TMOD2: variants seen among roughly 807,000 people sequenced by gnomAD.
The protein encoded by TMOD2 is tropomodulin-2.
A neutral mutation model predicts 39.9 loss-of-function variants in TMOD2; 22 were observed. That is an observed-to-expected ratio of 0.55 (90% CI 0.39 to 0.79). The LOEUF (loss-of-function observed/expected upper bound fraction) is 0.79, where lower values mean the gene tolerates loss of function less well. Ranked by LOEUF, TMOD2 falls within the 30% of genes least tolerant of loss-of-function variation. The pLI, the probability that TMOD2 is intolerant of heterozygous loss-of-function variation, is 0.00. For synonymous variants in TMOD2, 123 were observed against 146.1 expected, an observed-to-expected ratio of 0.84 and a Z score of 1.14; for missense variants, 386 against 413.3, an observed-to-expected ratio of 0.93 and a Z score of 0.57.
At chr15:51,757,934 A>G (rs1049615130) in intron 1 of TMOD2, among the ~76,000 whole-genome samples, 1 of 152,170 alleles carries the variant, frequency 6.6e-6, no homozygotes, top group South Asian at 2.1e-4. Flanking sequence ...GTATAGTGGG[A>G]CATACCTGTA....
At chr15:51,752,411 G>A (rs1333827487) in intron 1 of TMOD2, 2 of 152,222 alleles carry the variant, frequency 1.3e-5, no homozygotes, top group African/African-American at 4.8e-5. Context: ...GTATTCAGAG[G>A]TAGGAAGGTG....
At chr15:51,756,275 C>T (rs867318950) in intron 1 of TMOD2, 4 of 152,306 alleles carry the variant, frequency 2.6e-5, no homozygotes, top group African/African-American at 9.6e-5. Flanking sequence ...AATGCTGACC[C>T]GCAGCTCTTA....
At chr15:51,789,246 A>T (rs1346304943) in intron 7 of TMOD2, among the ~76,000 whole-genome samples, 1 of 152,212 alleles carries the variant, frequency 6.6e-6, no homozygotes, top group African/African-American at 2.4e-5. Flanking sequence ...ACTAACAAAG[A>T]TCAAAAGAGA....
intron 1 of TMOD2, among the ~76,000 whole-genome samples, chr15:51,757,823 C>T (rs750729067): frequency 6.6e-6 from 1 of 152,224 alleles, no homozygotes; most frequent in Admixed American, 6.5e-5. Context: ...TATGAGAATA[C>T]TGCATTCTTC....
At chr15:51,775,570 C>CTAT in intron 4 of TMOD2, among the ~76,000 whole-genome samples, 1 of 81,210 alleles carries the variant, frequency 1.2e-5, no homozygotes, top group African/African-American at 5.2e-5. Flanking sequence ...ATTCTTTTTC[C>CTAT]TTTTTTTTTT....
chr15:51,810,508 A>G lies in TMOD2; in HGVS notation c.*2054A>G, dbSNP rs1341477959. 6.6e-6 allele frequency: 1 copy of G among 152,220 alleles called. No individual in the cohort carries two copies. The highest frequency in any genetic ancestry group is 2.4e-5 in the African/African-American group (1 of 41,454). The allele number at this position is 152,220 out of a possible 1,614,324, so 9.4% of individuals were successfully genotyped here. On this transcript the variant is annotated 3_prime_UTR_variant, in exon 10 of 10. Transcript: ENST00000249700. ...GAAATTGGCCATGGTAGAAATATTT[A>G]CACCACAGAAATTAGCAATATGTAA... is the stretch of plus-strand genomic sequence containing the variant.
intron 7 of TMOD2, among the ~76,000 whole-genome samples, chr15:51,796,173 C>G (rs1331835855): frequency 1.3e-5 from 2 of 152,110 alleles, no homozygotes; most frequent in African/African-American, 4.8e-5. Flanking sequence ...CAACAGACCT[C>G]TCCCTTAAAA....
At chr15:51,759,163 G>C (rs1230766990) in intron 1 of TMOD2, among the ~76,000 whole-genome samples, 1 of 151,992 alleles carries the variant, frequency 6.6e-6, no homozygotes, top group Non-Finnish European at 1.5e-5. Context: ...AGGATTTGGT[G>C]ATTGATGGCT....
intron 5 of TMOD2, among the ~76,000 whole-genome samples, chr15:51,780,204 C>T (rs2055920043): frequency 6.6e-6 from 1 of 152,154 alleles, no homozygotes; most frequent in African/African-American, 2.4e-5. Flanking sequence ...ATAGAACATG[C>T]ACATCTTAAA....
intron 8 of TMOD2, among the ~76,000 whole-genome samples, chr15:51,804,555 G>A (rs1301794312): frequency 2.7e-5 from 4 of 148,584 alleles, no homozygotes; most frequent in East Asian, 2.0e-4. Context: ...AAGCCTGTAC[G>A]TTTTGTTTTG....
intron 4 of TMOD2, among the ~76,000 whole-genome samples, chr15:51,776,429 C>A (rs1041468129): frequency 6.6e-6 from 1 of 152,150 alleles, no homozygotes; most frequent in Admixed American, 6.5e-5. Flanking sequence ...CTGACCTTTT[C>A]TTTGCTGATG....
chr15:51,782,976 G>C (rs941149271), intron 7 of TMOD2, 148 bp downstream of exon 7: 1 of 646,664 alleles, frequency 1.5e-6, no homozygotes, highest in Admixed American at 2.9e-5. Flanking sequence ...CAATGCAATA[G>C]TTAAACTTCA....
chr15:51,780,022 C>T (rs1227049069), intron 5 of TMOD2, among the ~76,000 whole-genome samples: 1 of 152,108 alleles, frequency 6.6e-6, no homozygotes, highest in Non-Finnish European at 1.5e-5. Flanking sequence ...TAAGTTGTTA[C>T]GTGATGATGC....
chr15:51,779,197 G>A (rs934483139), intron 5 of TMOD2, among the ~76,000 whole-genome samples: 2 of 152,238 alleles, frequency 1.3e-5, no homozygotes, highest in South Asian at 4.1e-4. Context: ...TATGCATATG[G>A]ATAAAAAATG....
At chr15:51,773,216 G>A (rs1441771245) in intron 3 of TMOD2, among the ~76,000 whole-genome samples, 1 of 152,216 alleles carries the variant, frequency 6.6e-6, no homozygotes, top group Non-Finnish European at 1.5e-5. Flanking sequence ...GGCTCTAGAG[G>A]CAGGCTCAGG....
intron 1 of TMOD2, among the ~76,000 whole-genome samples, chr15:51,759,372 T>A (rs1013726783): frequency 1.3e-5 from 2 of 152,108 alleles, no homozygotes; most frequent in Non-Finnish European, 2.9e-5. Flanking sequence ...AAGTCTAGGA[T>A]GAAGATACAG....
chr15:51,776,781 C>A, intron 4 of TMOD2, 151 bp from the exon 5 acceptor site: 1 of 589,348 alleles, frequency 1.7e-6, no homozygotes, highest in Non-Finnish European at 3.1e-6. Flanking sequence ...GTGTATTTAA[C>A]GCTATACATG....
chr15:51,776,941 GAGT>G lies in TMOD2; in HGVS notation c.418_420del (p.Val140del). 1 of 1,613,654 alleles carries G rather than the reference GAGT, an allele frequency of 6.2e-7. No homozygotes were observed. The highest frequency in any genetic ancestry group is 8.5e-7 in the Non-Finnish European group (1 of 1,179,688). ...TGTTGACTGTTTTTAGCTGTCCTTG[GAGT>G]ACACAATTTGCTCAACAATCCAAAG... On this transcript the variant is annotated inframe_deletion, in exon 5 of 10. Coordinates refer to ENST00000249700, the MANE Select transcript of TMOD2 (RefSeq NM_014548.4).
At chr15:51,778,064 A>G (rs2055901277) in intron 5 of TMOD2, among the ~76,000 whole-genome samples, 1 of 151,528 alleles carries the variant, frequency 6.6e-6, no homozygotes, top group African/African-American at 2.4e-5. Flanking sequence ...ACTATTCACA[A>G]TAGCAAAGAC....
Sources: gnomAD v4.1 joint callset for allele counts (sites outside exome capture counted in the v4.1 genomes callset) on GRCh38, gnomAD v4.1.1 for gene constraint, MANE v1.5 for transcripts, NCBI Gene and HGNC (gene_info 2026-07-23, HGNC 2026-07-21) for gene names.